Variants in C14orf132 observed in about 807,000 individuals in gnomAD.
C14orf132 encodes the protein chromosome 14 open reading frame 132.
Under a neutral mutation model 5.8 loss-of-function variants are expected in C14orf132, and 6 were observed. The ratio of observed to expected loss-of-function variants is 1.03; its 90% CI spans 0.57 to 2.04. The LOEUF is 2.04. Ranked by LOEUF, C14orf132 falls within the 30% of genes most tolerant of loss-of-function variation. C14orf132 has a pLI of 0.00. For synonymous variants in C14orf132, 51 were observed against 49.8 expected, an observed-to-expected ratio of 1.02 and a Z score of -0.10; for missense variants, 125 against 115.8, an observed-to-expected ratio of 1.08 and a Z score of -0.37.
In C14orf132 at chr14:96,054,177, A is replaced by G. The variant is rs545314822; in HGVS notation, c.27+14650A>G. Reference sequence around the variant, plus strand: ...AATCCCTCCCCATCATCCCTTATGCAGGGTGAGTCACCCGTTGTGTCTGTA... The same window carrying G: ...AATCCCTCCCCATCATCCCTTATGCGGGGTGAGTCACCCGTTGTGTCTGTA... On this transcript the variant is annotated intron_variant, in intron 1 of 1. Coordinates refer to ENST00000555004, the MANE Select transcript of C14orf132 (RefSeq NM_001252507.3). Among the ~76,000 whole-genome samples, 67 of 152,256 alleles carry G rather than the reference A, an allele frequency of 4.4e-4. 1 individual carries two copies. The South Asian group carries it at 7.9e-3, about 18-fold the overall frequency.
rs139883945 is a variant in C14orf132 at position 96,048,879 on chromosome 14, C to T, written c.27+9352C>T. ...ATTCCATTGTCTGGATGTACCACAG[C>T]TTGTTTGTCCATTCACCTATTGAAG... On this transcript the variant is annotated intron_variant, in intron 1 of 1. Coordinates refer to ENST00000555004, the MANE Select transcript of C14orf132 (RefSeq NM_001252507.3). Among the ~76,000 whole-genome samples, 1,208 of 152,266 alleles carry T rather than the reference C, an allele frequency of 7.9e-3. 10 individuals carry two copies. The highest frequency in any genetic ancestry group is 0.028 in the African/African-American group (1,147 of 41,558).
At chr14:96,075,551 T>TATAA (rs1343468943) in intron 1 of C14orf132, among the ~76,000 whole-genome samples, 3 of 152,086 alleles carry the variant, frequency 2.0e-5, no homozygotes, top group African/African-American at 7.2e-5. Context: ...TAGCTATAGG[T>TATAA]TGTTTGGTTT....
chr14:96,044,394 G>C (rs568362025), intron 1 of C14orf132, among the ~76,000 whole-genome samples: 1 of 152,320 alleles, frequency 6.6e-6, no homozygotes, highest in South Asian at 2.1e-4. Flanking sequence ...TGCCCAGGCA[G>C]GTCTAGAGCT....
intron 1 of C14orf132, among the ~76,000 whole-genome samples, chr14:96,045,606 A>G (rs576191309): frequency 4.5e-4 from 69 of 152,364 alleles, no homozygotes; most frequent in African/African-American, 1.6e-3. Context: ...GCCATGCAGA[A>G]ACACAGGCCT....
chr14:96,046,961 C>T (rs1017132680), intron 1 of C14orf132, among the ~76,000 whole-genome samples: 7 of 152,176 alleles, frequency 4.6e-5, no homozygotes, highest in South Asian at 4.1e-4. Flanking sequence ...CAGAAGTTGT[C>T]GGTCCCCAGA....
chr14:96,054,393 G>A (rs1298098648), intron 1 of C14orf132, among the ~76,000 whole-genome samples: 25 of 152,206 alleles, frequency 1.6e-4, no homozygotes. Flanking sequence ...TTGGGATTTT[G>A]CCGCTTAAAT....
At chr14:96,063,016 G>A (rs1461995567) in intron 1 of C14orf132, among the ~76,000 whole-genome samples, 1 of 152,150 alleles carries the variant, frequency 6.6e-6, no homozygotes, top group Non-Finnish European at 1.5e-5. Context: ...CAAAAAGAGT[G>A]GATGTCAGTA....
rs535394138 is a variant in C14orf132 at position 96,091,395 on chromosome 14, G to T, written c.*4660G>T. The T allele has an allele frequency of 9.5e-6, 2 of 210,672 alleles. No individual in the cohort carries two copies. The highest frequency in any genetic ancestry group is 8.5e-5 in the South Asian group (1 of 11,780). The allele number at this position is 210,672 out of a possible 1,614,324, so 13.1% of individuals were successfully genotyped here. On this transcript the variant is annotated 3_prime_UTR_variant, in exon 2 of 2. Coordinates refer to ENST00000555004, the MANE Select transcript of C14orf132 (RefSeq NM_001252507.3). ...ATCTAATCGAGACCTTTAATTTTTC[G>T]GGGAGAGCAGCTGAGGCCGTGTGGA...
chr14:96,073,996 G>A (rs73343445), intron 1 of C14orf132, among the ~76,000 whole-genome samples: 4,584 of 152,250 alleles, frequency 0.03, 229 homozygotes, highest in African/African-American at 0.1. Flanking sequence ...ATGAAAACAC[G>A]TGGACACATG....
chr14:96,075,021 A>T (rs1051841988), intron 1 of C14orf132, among the ~76,000 whole-genome samples: 2 of 152,200 alleles, frequency 1.3e-5, no homozygotes, highest in Non-Finnish European at 2.9e-5. Flanking sequence ...TTCACATCTT[A>T]ACAATATTGA....
At chr14:96,084,259 T>A (rs1395866771) in intron 1 of C14orf132, among the ~76,000 whole-genome samples, 1 of 152,212 alleles carries the variant, frequency 6.6e-6, no homozygotes, top group Non-Finnish European at 1.5e-5. Context: ...CGCTGGTTAA[T>A]TCCTGGGAAT....
chr14:96,069,195 G>A (rs370061426), intron 1 of C14orf132, among the ~76,000 whole-genome samples: 28 of 49,254 alleles, frequency 5.7e-4, no homozygotes, highest in African/African-American at 1.1e-3. Context: ...ATATATATAT[G>A]TATATATGTT....
intron 1 of C14orf132, among the ~76,000 whole-genome samples, chr14:96,079,194 A>G (rs79461379): frequency 0.22 from 33,528 of 152,124 alleles, 4,039 homozygotes; most frequent in Non-Finnish European, 0.27. Flanking sequence ...CGTACAGCCG[A>G]GTGCTGTGAG....
At chr14:96,069,131 A>G (rs1278252098) in intron 1 of C14orf132, among the ~76,000 whole-genome samples, 1 of 149,096 alleles carries the variant, frequency 6.7e-6, no homozygotes, top group Non-Finnish European at 1.5e-5. Context: ...CTCAGCCTCC[A>G]TAATTGTGTA....
At chr14:96,052,422 G>A (rs971109132) in intron 1 of C14orf132, among the ~76,000 whole-genome samples, 8 of 152,222 alleles carry the variant, frequency 5.3e-5, no homozygotes, top group Admixed American at 4.6e-4. Context: ...TGCCCCTGCA[G>A]CTCCAAGCAG....
intron 1 of C14orf132, among the ~76,000 whole-genome samples, chr14:96,075,507 G>A (rs1887836184): frequency 6.6e-6 from 1 of 152,124 alleles, no homozygotes; most frequent in Non-Finnish European, 1.5e-5. Flanking sequence ...ATCGTAGAGG[G>A]AAGCATTCAC....
rs930945419 is a variant in C14orf132 at position 96,055,936 on chromosome 14, A to C, written c.27+16409A>C. ...GCAGAGATCTCAGAGCCCGGGTCGC[A>C]CCTAGGCTCTGGGACTGGGTGGTAC... On this transcript the variant is annotated intron_variant, in intron 1 of 1. Coordinates refer to ENST00000555004, the MANE Select transcript of C14orf132 (RefSeq NM_001252507.3). 7.9e-5 allele frequency among the ~76,000 whole-genome samples: 12 copies of C among 152,320 alleles called. 1 individual carries two copies. The highest frequency in any genetic ancestry group is 3.9e-4 in the East Asian group (2 of 5,172).
chr14:96,050,058 AT>A (rs1320924356), intron 1 of C14orf132, among the ~76,000 whole-genome samples: 1 of 152,062 alleles, frequency 6.6e-6, no homozygotes, highest in African/African-American at 2.4e-5. Flanking sequence ...TCACTTATTA[AT>A]TCTAAATATG....
rs1888191179 is a variant in C14orf132 at position 96,086,515 on chromosome 14, C to T, written c.32C>T (p.Pro11Leu). ...TCTCTCTCTCCTTCTTTGCAGCTGC[C>T]CATGATGGGGGGAGCTTTCATGGAC... is the stretch of plus-strand genomic sequence containing the variant. MDLSFMAAQL[P>L]MMGGAFMDSP... Residue 11 changes from proline (P) to leucine (L), a missense_variant, in exon 2 of 2, where the codon CCC (proline) becomes CTC (leucine). By Grantham distance (98) the Pro-to-Leu change is moderately conservative. Coordinates refer to ENST00000555004, the MANE Select transcript of C14orf132 (RefSeq NM_001252507.3). The T allele has an allele frequency of 1.3e-6, 2 of 1,536,084 alleles. No homozygotes were observed. Among genetic ancestry groups the T allele is most frequent in the Non-Finnish European group, 1.7e-6 (2 of 1,146,884 alleles).
Sources: gnomAD v4.1 joint callset for allele counts (sites outside exome capture counted in the v4.1 genomes callset) on GRCh38, gnomAD v4.1.1 for gene constraint, MANE v1.5 for transcripts, NCBI Gene and HGNC (gene_info 2026-07-23, HGNC 2026-07-21) for gene names.